Variants in CCDC33 observed in about 807,000 individuals in gnomAD.
CCDC33 encodes coiled-coil domain containing 33.
CCDC33 carries 94 observed loss-of-function variants against 91.9 expected under a neutral mutation model. The ratio of observed to expected loss-of-function variants is 1.02; its 90% CI spans 0.87 to 1.21. The LOEUF (loss-of-function observed/expected upper bound fraction) is 1.21. Ranked by LOEUF, CCDC33 falls within the 50% of genes most tolerant of loss-of-function variation. The pLI, the probability that CCDC33 is intolerant of heterozygous loss-of-function variation, is 0.00. For synonymous variants in CCDC33, 396 were observed against 374.5 expected (o/e 1.06, Z -0.66); for missense variants, 940 against 935.5 (o/e 1.00, Z -0.06).
At position 74,330,295 on chromosome 15, in the gene CCDC33, G is replaced by T. The variant is rs372637551; in HGVS notation, c.1397G>T (p.Arg466Leu). The part of the protein sequence containing the change: ...LEGENRILRS[R>L]LAQQEEEEGQ... ...GGAGAGAACCGCATACTGAGGAGCC[G>T]CCTGGCCCAGCAGGAGGAGGAAGAG... Residue 466 changes from arginine (R) to leucine (L), a missense_variant, in exon 12 of 19, where the codon CGC becomes CTC. By Grantham distance (102) the Arg-to-Leu change is moderately radical. Transcript: ENST00000398814. The T allele has an allele frequency of 1.2e-6, 2 of 1,611,086 alleles. No homozygotes were observed. Among genetic ancestry groups the T allele is most frequent in the African/African-American group, 2.7e-5 (2 of 74,818 alleles).
chr15:74,216,138 A>G, upstream of CCDC33, among the ~76,000 whole-genome samples: 1 of 152,082 alleles, frequency 6.6e-6, no homozygotes. Context: ...GCTATTACTG[A>G]GTCACTAAGC....
intron 2 of CCDC33, among the ~76,000 whole-genome samples, chr15:74,260,159 C>T (rs886596217): frequency 1.3e-5 from 2 of 152,156 alleles, no homozygotes; most frequent in Admixed American, 6.5e-5. Flanking sequence ...AGGCACAGAG[C>T]GTCATGGGAG....
At chr15:74,265,678 G>A (rs574884903) in intron 3 of CCDC33, among the ~76,000 whole-genome samples, 5 of 152,242 alleles carry the variant, frequency 3.3e-5, no homozygotes, top group East Asian at 1.9e-4. Flanking sequence ...TGACAGTCCC[G>A]CTCACTAAAC....
intron 11 of CCDC33, among the ~76,000 whole-genome samples, chr15:74,321,865 C>T (rs1275230775): frequency 6.6e-6 from 1 of 152,146 alleles, no homozygotes; most frequent in Admixed American, 6.5e-5. Context: ...GGCAGGGAGG[C>T]CCTTCCCTGC....
At chr15:74,324,468 C>T (rs2060268520) in intron 11 of CCDC33, among the ~76,000 whole-genome samples, 2 of 151,980 alleles carry the variant, frequency 1.3e-5, no homozygotes, top group South Asian at 2.1e-4. Context: ...TCATCCAAGC[C>T]GCAAGACTCA....
upstream of CCDC33, among the ~76,000 whole-genome samples, chr15:74,233,766 T>C (rs916073803): frequency 1.3e-5 from 2 of 152,194 alleles, no homozygotes; most frequent in African/African-American, 4.8e-5. Flanking sequence ...GCAGCCCTGA[T>C]TGCCTCACTG....
intron 11 of CCDC33, 115 bp from the exon 12 acceptor site, chr15:74,330,074 C>G (rs1332293197): frequency 2.4e-6 from 3 of 1,226,444 alleles, no homozygotes; most frequent in Non-Finnish European, 2.3e-6. Context: ...TGGCTTGGGG[C>G]TCCTGGTGCT....
At chr15:74,266,530 A>T in intron 3 of CCDC33, 148 bp from the exon 4 acceptor site, 1 of 658,614 alleles carries the variant, frequency 1.5e-6, no homozygotes, top group Non-Finnish European at 2.7e-6. Context: ...CACAGGGGTG[A>T]TCCACACATG....
In CCDC33 at chr15:74,316,865, T is replaced by A. The variant is rs1297570590; in HGVS notation, c.1291-13324T>A. On this transcript the variant is annotated intron_variant, in intron 11 of 18. Coordinates refer to ENST00000398814, the MANE Select transcript of CCDC33 (RefSeq NM_025055.5). The surrounding 1 kb of genome is among the most constrained non-coding windows in gnomAD (Gnocchi z 4.7). ...CAGCGTTATGAGATGGGCACAGTGA[T>A]GCACTCCATTTTACAGAGGAGAAAA... Among the ~76,000 whole-genome samples the A allele has an allele frequency of 6.6e-6, 1 of 152,204 alleles. No homozygotes were observed. The highest frequency in any genetic ancestry group is 2.4e-5 in the African/African-American group (1 of 41,446).
At chr15:74,276,515 A>G (rs984214555) in intron 7 of CCDC33, among the ~76,000 whole-genome samples, 1 of 151,816 alleles carries the variant, frequency 6.6e-6, no homozygotes, top group Non-Finnish European at 1.5e-5. Flanking sequence ...GGCCCCTTCC[A>G]TCCCCACAGA....
intron 2 of CCDC33, among the ~76,000 whole-genome samples, chr15:74,260,572 A>G (rs1298867099): frequency 1.3e-5 from 2 of 152,188 alleles, no homozygotes; most frequent in East Asian, 1.9e-4. Flanking sequence ...TCCAGTCCTT[A>G]TAACACTCTC....
intron 11 of CCDC33, among the ~76,000 whole-genome samples, chr15:74,314,878 A>G (rs1019081437): frequency 6.6e-6 from 1 of 152,186 alleles, no homozygotes; most frequent in Non-Finnish European, 1.5e-5. Flanking sequence ...CCAGGTGCCA[A>G]CGAGCCCCCT....
intron 1 of CCDC33, among the ~76,000 whole-genome samples, chr15:74,206,408 G>A (rs191405375): frequency 7.9e-5 from 12 of 152,318 alleles, no homozygotes; most frequent in Admixed American, 7.8e-4. Flanking sequence ...GCTCGGCTCT[G>A]AGCTGTTAAG....
At chr15:74,234,614 G>A (rs1327844705), upstream of CCDC33, among the ~76,000 whole-genome samples, 1 of 152,192 alleles carries the variant, frequency 6.6e-6, no homozygotes, top group African/African-American at 2.4e-5. Context: ...AGTGCACAGG[G>A]CCCACTTGCA....
intron 11 of CCDC33, among the ~76,000 whole-genome samples, chr15:74,323,283 T>C (rs973206352): frequency 6.6e-6 from 1 of 152,116 alleles, no homozygotes; most frequent in Non-Finnish European, 1.5e-5. Context: ...TTTCCAAAAT[T>C]CTTTTAAATT....
At chr15:74,211,980 T>G (rs2074372880) in intron 2 of CCDC33, 1 of 152,674 alleles carries the variant, frequency 6.5e-6, no homozygotes, top group South Asian at 2.1e-4. Context: ...CCAGTCTGGC[T>G]GTGAAGTTTG....
intron 1 of CCDC33, among the ~76,000 whole-genome samples, chr15:74,237,133 T>C (rs1265305608): frequency 2.0e-5 from 3 of 152,350 alleles, no homozygotes; most frequent in South Asian, 2.1e-4. Context: ...CCCCATGCTC[T>C]CCAATCCCTG....
chr15:74,330,364 T>C lies in CCDC33; in HGVS notation c.1456+10T>C, dbSNP rs778195842. 38 of 1,573,908 alleles carry C rather than the reference T, an allele frequency of 2.4e-5. No individual in the cohort carries two copies. The highest frequency in any genetic ancestry group is 3.2e-5 in the Non-Finnish European group (37 of 1,159,436). On this transcript the variant is annotated intron_variant, in intron 12 of 18. Coordinates refer to ENST00000398814, the MANE Select transcript of CCDC33 (RefSeq NM_025055.5). Reference sequence around the variant, plus strand: ...GAGGCCCAGAACACGGGTGAGGATGTGCAGGCCACCAAGGGCACCCGGGCT... The same window carrying C: ...GAGGCCCAGAACACGGGTGAGGATGCGCAGGCCACCAAGGGCACCCGGGCT...
At chr15:74,223,228 G>C (rs1395459713) in intron 2 of CCDC33, among the ~76,000 whole-genome samples, 1 of 152,080 alleles carries the variant, frequency 6.6e-6, no homozygotes, top group African/African-American at 2.4e-5. Context: ...TGCTCTCCTG[G>C]TGAGGGGAGT....
Sources: gnomAD v4.1 joint callset for allele counts (sites outside exome capture counted in the v4.1 genomes callset) on GRCh38, gnomAD v4.1.1 for gene constraint, Gnocchi (gnomAD v3.1) non-coding constraint, MANE v1.5 for transcripts, NCBI Gene and HGNC (gene_info 2026-07-23, HGNC 2026-07-21) for gene names.